Variants in SUSD1 observed in about 807,000 individuals in gnomAD.
SUSD1 encodes sushi domain containing 1, also known as sushi domain-containing protein 1.
In SUSD1, 65 loss-of-function variants were observed where a neutral mutation model predicts 86.9. That is an observed-to-expected ratio of 0.75 (90% CI 0.61 to 0.92). The LOEUF is 0.92. SUSD1 is among the 40% of genes least tolerant of loss of function. The pLI is 0.00. For missense variants in SUSD1, 850 were observed against 929.7 expected (o/e 0.91, Z 1.11); for synonymous variants, 346 against 350.0 (o/e 0.99, Z 0.13).
intron 5 of SUSD1, among the ~76,000 whole-genome samples, chr9:112,141,470 A>G (rs1235520430): frequency 6.6e-6 from 1 of 152,122 alleles, no homozygotes; most frequent in Non-Finnish European, 1.5e-5. Context: ...TAAGGTCAGG[A>G]GTTCAAGACT....
chr9:112,156,307 C>T (rs538553789), intron 2 of SUSD1, among the ~76,000 whole-genome samples: 2 of 151,932 alleles, frequency 1.3e-5, no homozygotes, highest in East Asian at 3.9e-4. Flanking sequence ...ACTAAAAATA[C>T]GAAAATTAGC....
Position 112,098,513 on chromosome 9 carries a change from A to T in SUSD1, c.1431T>A (p.Pro477=), listed in dbSNP as rs779672439. The T allele has an allele frequency of 1.2e-5, 20 of 1,614,022 alleles. No individual in the cohort carries two copies. In the East Asian group the frequency reaches 4.2e-4, roughly 34 times the overall value. ...TTGTTATTTGCACTGAGTGCCGCTTAGGAGATCTCAGCAGGGTCACATTCA... is the reference window on the plus strand; with the variant it reads ...TTGTTATTTGCACTGAGTGCCGCTTTGGAGATCTCAGCAGGGTCACATTCA... ...YTVNVTLLRS[P]KRHSVQITIA... is the part of the protein sequence containing the mutation. Residue 477 remains proline (P), a synonymous_variant, in exon 10 of 17, where the codon CCT becomes CCA. Transcript: ENST00000374270.
At chr9:112,173,201 T>C (rs1312552105) in intron 1 of SUSD1, among the ~76,000 whole-genome samples, 1 of 152,048 alleles carries the variant, frequency 6.6e-6, no homozygotes. Flanking sequence ...GGGCACCTAA[T>C]ATTACAAAAA....
intron 9 of SUSD1, among the ~76,000 whole-genome samples, chr9:112,100,514 A>G (rs1830589787): frequency 6.6e-6 from 1 of 152,032 alleles, no homozygotes; most frequent in African/African-American, 2.4e-5. Flanking sequence ...ATGACTCAGT[A>G]TAACAGTCTT....
intron 10 of SUSD1, among the ~76,000 whole-genome samples, chr9:112,087,248 T>C (rs1212696084): frequency 6.6e-6 from 1 of 152,216 alleles, no homozygotes; most frequent in East Asian, 1.9e-4. Flanking sequence ...CTCTGCTCAC[T>C]GCAGCCTCTG....
chr9:112,107,456 G>T (rs538013448), intron 8 of SUSD1, among the ~76,000 whole-genome samples: 1 of 151,648 alleles, frequency 6.6e-6, no homozygotes, highest in East Asian at 1.9e-4. Context: ...TCATAAATAA[G>T]TAAATAAATA....
chr9:112,107,848 A>T (rs767439171), intron 8 of SUSD1, among the ~76,000 whole-genome samples: 1 of 152,250 alleles, frequency 6.6e-6, no homozygotes, highest in African/African-American at 2.4e-5. Flanking sequence ...AGGAACAGAA[A>T]ATGGCAATCC....
chr9:112,108,774 C>CAAAAAAAAAA (rs11312103), intron 8 of SUSD1, among the ~76,000 whole-genome samples: 21 of 68,516 alleles, frequency 3.1e-4, no homozygotes, highest in Admixed American at 7.2e-4. Flanking sequence ...CTGGGTGTCT[C>CAAAAAAAAAA]AAAAAAAAAA....
intron 10 of SUSD1, among the ~76,000 whole-genome samples, chr9:112,089,969 G>T (rs947616729): frequency 7.2e-5 from 11 of 152,168 alleles, no homozygotes; most frequent in Middle Eastern, 3.4e-3. Flanking sequence ...CTCTGCCTTT[G>T]TTCCAGTAAA....
At chr9:112,071,382 C>T (rs1829262255) in intron 12 of SUSD1, among the ~76,000 whole-genome samples, 1 of 152,010 alleles carries the variant, frequency 6.6e-6, no homozygotes, top group Non-Finnish European at 1.5e-5. Context: ...ACTGCTTGAG[C>T]CCAGGAGTTT....
At chr9:112,163,263 C>G (rs1242677207) in intron 1 of SUSD1, among the ~76,000 whole-genome samples, 1 of 152,038 alleles carries the variant, frequency 6.6e-6, no homozygotes, top group Non-Finnish European at 1.5e-5. Context: ...TCAAGCTATC[C>G]TCCTTCCTCA....
At chr9:112,089,645 T>C (rs10759525) in intron 10 of SUSD1, among the ~76,000 whole-genome samples, 95,100 of 151,676 alleles carry the variant, frequency 0.63, 30,481 homozygotes, top group East Asian at 0.77. Context: ...AACCCTGTCT[T>C]TACTAAAAAT....
At chr9:112,083,962 A>C (rs1336903083) in intron 10 of SUSD1, among the ~76,000 whole-genome samples, 1 of 152,218 alleles carries the variant, frequency 6.6e-6, no homozygotes, top group African/African-American at 2.4e-5. Context: ...AAAAAGTTTT[A>C]GTAGGCAATT....
intron 13 of SUSD1, among the ~76,000 whole-genome samples, chr9:112,062,554 G>C (rs1323702302): frequency 6.6e-6 from 1 of 152,080 alleles, no homozygotes; most frequent in Non-Finnish European, 1.5e-5. Context: ...AATTAGCCAG[G>C]TGTGGTGGTG....
chr9:112,094,947 A>G (rs1344000756), intron 10 of SUSD1, among the ~76,000 whole-genome samples: 2 of 152,220 alleles, frequency 1.3e-5, no homozygotes, highest in African/African-American at 4.8e-5. Context: ...AGATGGGGCA[A>G]CAGGTATTGC....
intron 12 of SUSD1, among the ~76,000 whole-genome samples, chr9:112,074,342 G>T (rs1296409422): frequency 6.6e-6 from 1 of 152,172 alleles, no homozygotes; most frequent in Non-Finnish European, 1.5e-5. Context: ...GTGCCGTGGG[G>T]CTATCCTGAA....
intron 5 of SUSD1, among the ~76,000 whole-genome samples, chr9:112,138,237 GTATA>G (rs375674193): frequency 2.4e-4 from 1 of 4,152 alleles, no homozygotes; most frequent in Non-Finnish European, 3.6e-4. Flanking sequence ...AAAAAAATGT[GTATA>G]TATATATATA....
chr9:112,074,480 T>C (rs1465949241), intron 12 of SUSD1, among the ~76,000 whole-genome samples: 1 of 152,204 alleles, frequency 6.6e-6, no homozygotes, highest in African/African-American at 2.4e-5. Flanking sequence ...CACTTGCCTC[T>C]GTCCCTCAAC....
chr9:112,143,996 T>C (rs979403751), intron 3 of SUSD1, among the ~76,000 whole-genome samples: 2 of 152,102 alleles, frequency 1.3e-5, no homozygotes. Flanking sequence ...TCCCAGCACT[T>C]TGGGAAGCCG....
Sources: gnomAD v4.1 joint callset for allele counts (sites outside exome capture counted in the v4.1 genomes callset) on GRCh38, gnomAD v4.1.1 for gene constraint, MANE v1.5 for transcripts, NCBI Gene and HGNC (gene_info 2026-07-23, HGNC 2026-07-21) for gene names.